Variants in EYS observed in about 807,000 individuals in gnomAD.
EYS encodes the protein EGF-like photoreceptor maintenance factor.
Under a neutral mutation model 282.1 loss-of-function variants are expected in EYS, and 250 were observed. The ratio of observed to expected loss-of-function variants is 0.89; its 90% confidence interval spans 0.80 to 0.98. The LOEUF (loss-of-function observed/expected upper bound fraction) is 0.98. Among genes scored for constraint, EYS ranks in the 50% least tolerant of loss-of-function variants. EYS has a pLI of 0.00. For missense variants in EYS, 4,016 were observed against 3,709.0 expected, an observed-to-expected ratio of 1.08 and a Z score of -2.15; for synonymous variants, 1,355 against 1,282.9, an observed-to-expected ratio of 1.06 and a Z score of -1.20.
At chr6:65,055,984 T>C (rs1043220738) in intron 13 of EYS, among the ~76,000 whole-genome samples, 2 of 152,028 alleles carry the variant, frequency 1.3e-5, no homozygotes, top group African/African-American at 4.8e-5. Flanking sequence ...ATGGGGAGTT[T>C]TGTTCCACTT....
At position 64,345,404 on chromosome 6, in the gene EYS, AC is replaced by A. The variant is rs1561942468; in HGVS notation, c.6079-38323del. ...CCCTCAGAAATAATGCTGCATATCTACAACTATCTGATCTTTGACAAACCTC... is the reference window on the plus strand; with the variant it reads ...CCCTCAGAAATAATGCTGCATATCTAAACTATCTGATCTTTGACAAACCTC... On this transcript the variant is annotated intron_variant, in intron 29 of 42. Transcript: ENST00000503581. Among the ~76,000 whole-genome samples, 5 of 152,162 alleles carry A rather than the reference AC, an allele frequency of 3.3e-5. 1 individual carries two copies. In the South Asian group the frequency reaches 1.0e-3, roughly 31 times the overall value.
intron 22 of EYS, among the ~76,000 whole-genome samples, chr6:64,678,150 T>G (rs990342803): frequency 2.0e-5 from 3 of 152,124 alleles, no homozygotes; most frequent in African/African-American, 4.8e-5. Flanking sequence ...GTCACATCTC[T>G]ACTAGCTTTT....
At chr6:64,040,801 C>T (rs989609176) in intron 33 of EYS, among the ~76,000 whole-genome samples, 4 of 152,138 alleles carry the variant, frequency 2.6e-5, no homozygotes, top group Non-Finnish European at 4.4e-5. Flanking sequence ...CATTATCTGG[C>T]TCTTTAGTTT....
At chr6:64,125,802 A>AAAAAAAC (rs1562214035) in intron 31 of EYS, among the ~76,000 whole-genome samples, 8 of 151,306 alleles carry the variant, frequency 5.3e-5, no homozygotes, top group African/African-American at 1.7e-4. Context: ...AAAAAAAAAA[A>AAAAAAAC]AAAAAAAGTT....
At chr6:63,779,613 T>C (rs372802370) in intron 39 of EYS, among the ~76,000 whole-genome samples, 134 of 152,300 alleles carry the variant, frequency 8.8e-4, no homozygotes, top group African/African-American at 2.9e-3. Flanking sequence ...CAGTTACTTA[T>C]AGTTTATTTG....
In EYS at chr6:65,599,931, G is replaced by T. The variant is rs1449008303; in HGVS notation, c.-333+39847C>A. ...GAATTGGTTATGTGCTGTTGGCACA[G>T]AATTGGTTATGTGCTGTTGACATCT... is the stretch of plus-strand genomic sequence containing the variant. On this transcript the variant is annotated intron_variant, in intron 2 of 42. Transcript: ENST00000503581. 5.9e-5 allele frequency among the ~76,000 whole-genome samples: 9 copies of T among 152,078 alleles called. 1 individual carries two copies. Among genetic ancestry groups the T allele is most frequent in the African/African-American group, 2.2e-4 (9 of 41,436 alleles).
intron 31 of EYS, among the ~76,000 whole-genome samples, chr6:64,152,114 C>T (rs577825178): frequency 8.6e-5 from 13 of 151,896 alleles, no homozygotes; most frequent in African/African-American, 3.1e-4. Flanking sequence ...CTTGTTTACT[C>T]GAAATCCAAG....
chr6:64,091,275 C>T (rs183801470), intron 31 of EYS, among the ~76,000 whole-genome samples: 37 of 152,036 alleles, frequency 2.4e-4, no homozygotes, highest in Admixed American at 1.6e-3. Flanking sequence ...GACACATTGC[C>T]GTTGATTTAT....
intron 30 of EYS, among the ~76,000 whole-genome samples, chr6:64,297,275 T>A (rs1261074057): frequency 6.6e-6 from 1 of 152,224 alleles, no homozygotes; most frequent in Non-Finnish European, 1.5e-5. Flanking sequence ...TTGAACTATT[T>A]TTCTCCTCAT....
At chr6:64,765,450 T>G (rs1027826771) in intron 22 of EYS, among the ~76,000 whole-genome samples, 6 of 152,220 alleles carry the variant, frequency 3.9e-5, no homozygotes, top group African/African-American at 1.4e-4. Flanking sequence ...GTTCCCCAGT[T>G]CCAAAGTCAC....
At chr6:64,753,939 A>G (rs537131487) in intron 22 of EYS, among the ~76,000 whole-genome samples, 254 of 152,250 alleles carry the variant, frequency 1.7e-3, no homozygotes, top group African/African-American at 5.7e-3. Context: ...CTAGAAATCA[A>G]TTCCAAAAGG....
chr6:63,836,342 A>G (rs1771804470), intron 36 of EYS, among the ~76,000 whole-genome samples: 1 of 152,042 alleles, frequency 6.6e-6, no homozygotes, highest in Non-Finnish European at 1.5e-5. Flanking sequence ...TTACCAAAAA[A>G]ATTTGGTAAA....
At chr6:64,032,976 T>C (rs893325276) in intron 33 of EYS, among the ~76,000 whole-genome samples, 2 of 152,158 alleles carry the variant, frequency 1.3e-5, no homozygotes, top group Admixed American at 1.3e-4. Context: ...CTCTCCTCTC[T>C]TGAGGAGACT....
At chr6:65,315,351 T>C (rs1272255173) in intron 11 of EYS, among the ~76,000 whole-genome samples, 5 of 152,224 alleles carry the variant, frequency 3.3e-5, no homozygotes, top group Non-Finnish European at 7.3e-5. Flanking sequence ...TACCATTCAA[T>C]GAATTGTCCT....
chr6:65,102,158 T>C (rs1774913820), intron 12 of EYS, among the ~76,000 whole-genome samples: 1 of 151,356 alleles, frequency 6.6e-6, no homozygotes, highest in Non-Finnish European at 1.5e-5. Flanking sequence ...GCAGTACAAT[T>C]AGACTTAAGC....
At chr6:64,710,487 G>C (rs1002345901) in intron 22 of EYS, among the ~76,000 whole-genome samples, 11 of 152,188 alleles carry the variant, frequency 7.2e-5, no homozygotes, top group Non-Finnish European at 1.3e-4. Flanking sequence ...CTCACAAGGA[G>C]TACAGAAAAC....
chr6:65,018,073 G>T (rs868055576), intron 13 of EYS, among the ~76,000 whole-genome samples: 2 of 152,140 alleles, frequency 1.3e-5, no homozygotes, highest in Non-Finnish European at 2.9e-5. Flanking sequence ...TTCTACTTTT[G>T]ACTAGAAATG....
intron 29 of EYS, among the ~76,000 whole-genome samples, chr6:64,381,026 A>C (rs1041741023): frequency 6.6e-6 from 1 of 152,186 alleles, no homozygotes; most frequent in Non-Finnish European, 1.5e-5. Flanking sequence ...CAGAAAAAAA[A>C]AAAAAAAAAG....
chr6:64,969,883 C>T (rs2150110520), intron 14 of EYS, among the ~76,000 whole-genome samples: 1 of 152,232 alleles, frequency 6.6e-6, no homozygotes, highest in Middle Eastern at 3.4e-3. Context: ...CAGTCTGTGA[C>T]CCCAGATGTT....
Sources: gnomAD v4.1 joint callset for allele counts (sites outside exome capture counted in the v4.1 genomes callset) on GRCh38, gnomAD v4.1.1 for gene constraint, MANE v1.5 for transcripts, NCBI Gene and HGNC (gene_info 2026-07-23, HGNC 2026-07-21) for gene names.